Variants in DGKB observed in about 807,000 individuals in gnomAD.
DGKB encodes diacylglycerol kinase beta.
Under a neutral mutation model 114.3 loss-of-function variants are expected in DGKB, and 67 were observed. The observed-to-expected ratio is 0.59, with a 90% CI of 0.48 to 0.72. DGKB has a LOEUF of 0.72. Ranked by LOEUF, DGKB falls within the 30% of genes least tolerant of loss-of-function variation. The pLI is 0.00. For missense variants in DGKB, 907 were observed against 975.2 expected (o/e 0.93, Z 0.93); for synonymous variants, 398 against 323.1 (o/e 1.23, Z -2.49).
At chr7:14,303,517 C>G (rs1803924153) in intron 23 of DGKB, among the ~76,000 whole-genome samples, 1 of 151,980 alleles carries the variant, frequency 6.6e-6, no homozygotes, top group Non-Finnish European at 1.5e-5. Flanking sequence ...TATTTATTAT[C>G]TGAATACTAA....
intron 20 of DGKB, among the ~76,000 whole-genome samples, chr7:14,560,517 T>C (rs1219411288): frequency 1.3e-5 from 2 of 152,216 alleles, no homozygotes; most frequent in African/African-American, 4.8e-5. Context: ...GGTTCATCCT[T>C]TTAGTTGCAT....
chr7:14,832,669 T>C (rs534388634), intron 2 of DGKB, among the ~76,000 whole-genome samples: 3 of 152,238 alleles, frequency 2.0e-5, no homozygotes, highest in African/African-American at 7.2e-5. Flanking sequence ...CTTATTCTCT[T>C]CTTTCTTTCT....
intron 1 of DGKB, among the ~76,000 whole-genome samples, chr7:14,899,905 C>T (rs1295643578): frequency 6.6e-6 from 1 of 152,218 alleles, no homozygotes; most frequent in African/African-American, 2.4e-5. Flanking sequence ...GAGTTAGTCA[C>T]ATCGAGTGGT....
At position 14,178,046 on chromosome 7, in the gene DGKB, G is replaced by T; in HGVS notation, c.2228C>A (p.Ser743Tyr). ...AGGGAACTACCTGATGACCACGCAG[G>T]AGCACTGAGCCAGCCGCCGGCCAGC... ...KSAGRRLAQC[S>Y]CVVIRTSKSL... Residue 743 changes from serine to tyrosine, a missense_variant, in exon 24 of 26, where the codon TCC becomes TAC. Coordinates refer to ENST00000402815, the MANE Select transcript of DGKB (RefSeq NM_001350709.2). 6.3e-7 allele frequency: 1 copy of T among 1,596,636 alleles called. No individual in the cohort carries two copies. Among genetic ancestry groups the T allele is most frequent in the Admixed American group, 1.8e-5 (1 of 56,010 alleles).
chr7:14,613,397 C>T lies in DGKB; in HGVS notation c.1301G>A (p.Gly434Asp). Residue 434 changes from glycine to aspartate, a missense_variant, in exon 16 of 26, where the codon GGT (glycine) becomes GAT (aspartate). Physicochemically the swap from Gly to Asp is moderately conservative, Grantham distance 94. Coordinates refer to ENST00000402815, the MANE Select transcript of DGKB (RefSeq NM_001350709.2). ...CACAAAAACTAAAAGTGGGTGAGTA[C>T]CAGGCACAGGAGTGACCTATAAGAA... The part of the protein sequence containing the change: ...GQGLQVTPVP[G>D]THPLLVFVNP... 3.2e-6 allele frequency: 5 copies of T among 1,565,212 alleles called. No individual in the cohort carries two copies. Among genetic ancestry groups the T allele is most frequent in the South Asian group, 1.2e-5 (1 of 84,892 alleles).
intron 2 of DGKB, among the ~76,000 whole-genome samples, chr7:14,762,489 C>T (rs566427789): frequency 6.6e-6 from 1 of 152,016 alleles, no homozygotes; most frequent in South Asian, 2.1e-4. Flanking sequence ...AATTAAAGAC[C>T]CTTTACATTA....
chr7:14,572,925 T>C (rs1212610732), intron 20 of DGKB, among the ~76,000 whole-genome samples: 1 of 152,130 alleles, frequency 6.6e-6, no homozygotes, highest in African/African-American at 2.4e-5. Context: ...ATATAGAATG[T>C]CCATAAAAGA....
intron 20 of DGKB, among the ~76,000 whole-genome samples, chr7:14,502,865 A>G (rs543322747): frequency 6.6e-6 from 1 of 152,184 alleles, no homozygotes. Flanking sequence ...CATAGCTAGG[A>G]TTCTGGCTTT....
chr7:14,949,365 CTG>C (rs1786050243), intron 1 of DGKB, among the ~76,000 whole-genome samples: 2 of 151,816 alleles, frequency 1.3e-5, no homozygotes, highest in Non-Finnish European at 2.9e-5. Context: ...CCGCTTCTAA[CTG>C]TATTTTTAAT....
At chr7:14,762,423 C>T (rs959584757) in intron 2 of DGKB, among the ~76,000 whole-genome samples, 6 of 152,064 alleles carry the variant, frequency 3.9e-5, no homozygotes, top group African/African-American at 1.4e-4. Context: ...TAGGGATCAA[C>T]GTTAAATTTT....
chr7:14,434,468 T>A (rs1262078549), intron 21 of DGKB, among the ~76,000 whole-genome samples: 3 of 152,104 alleles, frequency 2.0e-5, no homozygotes, highest in Non-Finnish European at 4.4e-5. Flanking sequence ...GTTAGAGTTA[T>A]GCAATGTGAG....
intron 20 of DGKB, among the ~76,000 whole-genome samples, chr7:14,562,957 A>G (rs1796888662): frequency 6.6e-6 from 1 of 151,992 alleles, no homozygotes; most frequent in Admixed American, 6.6e-5. Flanking sequence ...CCCCACCCAA[A>G]TCTCACCTTA....
Position 14,645,402 on chromosome 7 carries a change from C to T in DGKB, c.1135-15134G>A, listed in dbSNP as rs184394738. Among the ~76,000 whole-genome samples, 71 of 152,130 alleles carry T rather than the reference C, an allele frequency of 4.7e-4. No homozygotes were observed. In the East Asian group the frequency reaches 0.013, roughly 27 times the overall value. ...GTGAGAATAAAAGAGTGGTAATATT[C>T]TCTGCCGCTCGCCGAACAACAGGAC... On this transcript the variant is annotated intron_variant, in intron 13 of 25. Coordinates refer to ENST00000402815, the MANE Select transcript of DGKB (RefSeq NM_001350709.2).
At chr7:14,293,884 T>C (rs1285075655) in intron 23 of DGKB, among the ~76,000 whole-genome samples, 2 of 152,192 alleles carry the variant, frequency 1.3e-5, no homozygotes, top group African/African-American at 4.8e-5. Flanking sequence ...TCTGATTTTC[T>C]TGCCCTCCTC....
chr7:14,700,874 T>C (rs948099583), intron 7 of DGKB, among the ~76,000 whole-genome samples: 4 of 152,180 alleles, frequency 2.6e-5, no homozygotes, highest in Non-Finnish European at 5.9e-5. Flanking sequence ...CTTATTCTAT[T>C]AATATTCTTA....
intron 23 of DGKB, among the ~76,000 whole-genome samples, chr7:14,206,870 G>A (rs1367490126): frequency 2.6e-5 from 4 of 151,900 alleles, no homozygotes; most frequent in African/African-American, 9.7e-5. Flanking sequence ...TCTCTGATAG[G>A]CTAATAGATT....
intron 21 of DGKB, among the ~76,000 whole-genome samples, chr7:14,364,790 G>A (rs1429130526): frequency 2.0e-5 from 3 of 151,952 alleles, no homozygotes; most frequent in East Asian, 1.9e-4. Context: ...CTGCACTCAT[G>A]GTAAATCAGG....
intron 20 of DGKB, among the ~76,000 whole-genome samples, chr7:14,541,875 T>C (rs1793519569): frequency 6.6e-6 from 1 of 152,220 alleles, no homozygotes; most frequent in Non-Finnish European, 1.5e-5. Context: ...TACCAGATGC[T>C]ATCAATAGTC....
intron 25 of DGKB, among the ~76,000 whole-genome samples, chr7:14,170,145 A>AAAAAGAAAGAAAGAAAGAAAGAAAGAAAG: frequency 1.0e-5 from 1 of 99,982 alleles, no homozygotes; most frequent in East Asian, 3.1e-4. Flanking sequence ...AAAAAAAAAA[A>AAAAAGAAAGAAAGAAAGAAAGAAAGAAAG]AAAGAAAGAA....
Sources: gnomAD v4.1 joint callset for allele counts (sites outside exome capture counted in the v4.1 genomes callset) on GRCh38, gnomAD v4.1.1 for gene constraint, MANE v1.5 for transcripts, NCBI Gene and HGNC (gene_info 2026-07-23, HGNC 2026-07-21) for gene names.